The following XRCC6 variants were observed in gnomAD, a reference collection of about 807,000 sequenced individuals.
XRCC6 encodes the protein X-ray repair cross complementing 6, also known as DNA repair protein Ku70.
A neutral mutation model predicts 65.7 loss-of-function variants in XRCC6; 5 were observed. The observed-to-expected ratio is 0.08, with a 90% CI of 0.04 to 0.16. XRCC6 has a LOEUF of 0.16. XRCC6 is among the 10% of genes least tolerant of loss of function. The pLI, the probability that XRCC6 is intolerant of heterozygous loss-of-function variation, is 1.00. For synonymous variants in XRCC6, 270 were observed against 270.6 expected (o/e 1.00, Z 0.02); for missense variants, 447 against 738.1 (o/e 0.61, Z 4.57).
chr22:41,639,329 CTTTTTTTTTTT>C lies in XRCC6; in HGVS notation c.773+1553_773+1563del, dbSNP rs386395480. On this transcript the variant is annotated intron_variant, in intron 6 of 12. Transcript: ENST00000360079. ...GGAACCAGATTGCTAGATTCTTTTT[CTTTTTTTTTTT>C]TTTTTTTTTTTTTTGAGACAAAGTC... Among the ~76,000 whole-genome samples, 16 of 64,560 alleles carry C rather than the reference CTTTTTTTTTTT, an allele frequency of 2.5e-4. 2 individuals carry two copies. Among genetic ancestry groups the C allele is most frequent in the Non-Finnish European group, 3.5e-4 (13 of 37,176 alleles). 42.4% of individuals were successfully genotyped at this position (64,560 alleles called of 152,430 possible).
chr22:41,621,418 T>A (rs1287175297), intron 1 of XRCC6, 73 bp downstream of exon 1: 1 of 162,486 alleles, frequency 6.2e-6, no homozygotes, highest in Non-Finnish European at 1.3e-5. Context: ...TCGGTCGGTC[T>A]CGCGCGCCCC....
At chr22:41,633,901 A>G (rs190512115) in intron 3 of XRCC6, among the ~76,000 whole-genome samples, 123 of 152,342 alleles carry the variant, frequency 8.1e-4, no homozygotes, top group African/African-American at 2.9e-3. Context: ...TAAGCAATAG[A>G]AAACATTTTC....
chr22:41,624,697 A>G (rs1328610321), intron 2 of XRCC6, among the ~76,000 whole-genome samples: 2 of 130,790 alleles, frequency 1.5e-5, no homozygotes, highest in African/African-American at 5.8e-5. Context: ...CAAAAAAATA[A>G]TAATAAAATA....
chr22:41,629,147 G>A (rs903501172), intron 3 of XRCC6, among the ~76,000 whole-genome samples: 1 of 152,048 alleles, frequency 6.6e-6, no homozygotes, highest in Middle Eastern at 3.2e-3. Context: ...GAAAATAAGT[G>A]TTGGCAAGGC....
intron 11 of XRCC6, among the ~76,000 whole-genome samples, chr22:41,658,610 T>C (rs2068068486): frequency 6.6e-6 from 1 of 152,122 alleles, no homozygotes; most frequent in Non-Finnish European, 1.5e-5. Context: ...TACATGCTGG[T>C]GAAATTTAAA....
chr22:41,633,295 G>A lies in XRCC6; in HGVS notation c.196-2818G>A, dbSNP rs140143525. ...TCTCTATGTCTAGAATGGGGACCAA[G>A]AATTTGCATTTCTAGTAAATTGTCA... On this transcript the variant is annotated intron_variant, in intron 3 of 12. Coordinates refer to ENST00000360079, the MANE Select transcript of XRCC6 (RefSeq NM_001469.5). 8.2e-3 allele frequency among the ~76,000 whole-genome samples: 1,252 copies of A among 152,256 alleles called. 6 individuals carry two copies. Among genetic ancestry groups the A allele is most frequent in the Non-Finnish European group, 0.013 (916 of 68,026 alleles).
intron 2 of XRCC6, among the ~76,000 whole-genome samples, chr22:41,625,958 C>A (rs1239744749): frequency 6.6e-6 from 1 of 152,086 alleles, no homozygotes; most frequent in South Asian, 2.1e-4. Context: ...CCTGCCTCAG[C>A]CTCCCTAGTA....
chr22:41,663,938 T>G lies in XRCC6; in HGVS notation c.*123T>G. ...GTCTACCCGACATAAGTCGAGGGAC[T>G]TTATGTTTTTGAGGCTTTCTGTTGC... On this transcript the variant is annotated 3_prime_UTR_variant, in exon 13 of 13. Transcript: ENST00000360079. The G allele has an allele frequency of 9.1e-7, 1 of 1,104,714 alleles. No individual in the cohort carries two copies. Among genetic ancestry groups the G allele is most frequent in the South Asian group, 1.6e-5 (1 of 61,306 alleles). The allele number at this position is 1,104,714 out of a possible 1,614,324, so 68.4% of individuals were successfully genotyped here. A position where few individuals can be genotyped will look rare whatever the true frequency, so the allele number is the denominator to read the frequency against.
In XRCC6 at chr22:41,646,890, C is replaced by T. The variant is rs763490042; in HGVS notation, c.774-6C>T. Reference sequence around the variant, plus strand: ...GTTCATGCTCTTTCATTTTTTACTCCCTCAGGTTAAAGCTGAAGCTCAACA... The same window carrying T: ...GTTCATGCTCTTTCATTTTTTACTCTCTCAGGTTAAAGCTGAAGCTCAACA... On this transcript the variant is annotated splice_region_variant and splice_polypyrimidine_tract_variant and intron_variant, in intron 6 of 12. Coordinates refer to ENST00000360079, the MANE Select transcript of XRCC6 (RefSeq NM_001469.5). 5.0e-6 allele frequency: 8 copies of T among 1,584,848 alleles called. No individual in the cohort carries two copies. In the South Asian group the frequency reaches 8.0e-5, roughly 16 times the overall value.
At chr22:41,658,441 C>G in intron 11 of XRCC6, 89 bp downstream of exon 11, 1 of 1,203,032 alleles carries the variant, frequency 8.3e-7, no homozygotes, top group Non-Finnish European at 1.2e-6. Flanking sequence ...ATTTCCCAGT[C>G]CTCTCTAAAC....
intron 6 of XRCC6, among the ~76,000 whole-genome samples, chr22:41,643,984 C>CAA (rs1219444238): frequency 3.0e-5 from 2 of 66,942 alleles, no homozygotes; most frequent in Admixed American, 1.5e-4. Flanking sequence ...GACTCCATCT[C>CAA]AAAAAAAAAA....
chr22:41,656,577 C>CAG (rs60816050), intron 9 of XRCC6, among the ~76,000 whole-genome samples: 21,055 of 151,936 alleles, frequency 0.14, 4,011 homozygotes, highest in African/African-American at 0.43. Flanking sequence ...ATGACATGGA[C>CAG]AAACATGTTT....
At chr22:41,647,340 T>C (rs1206499340) in intron 7 of XRCC6, among the ~76,000 whole-genome samples, 1 of 152,010 alleles carries the variant, frequency 6.6e-6, no homozygotes, top group Admixed American at 6.6e-5. Flanking sequence ...CCCAGCACTT[T>C]GGGAGGCCGA....
At chr22:41,625,741 A>G (rs961642505) in intron 2 of XRCC6, among the ~76,000 whole-genome samples, 3 of 152,176 alleles carry the variant, frequency 2.0e-5, no homozygotes, top group Non-Finnish European at 2.9e-5. Context: ...ACGGCAGAGG[A>G]TCGCTCAAGC....
intron 9 of XRCC6, among the ~76,000 whole-genome samples, chr22:41,654,652 C>T (rs2068028816): frequency 6.6e-6 from 1 of 152,170 alleles, no homozygotes; most frequent in Admixed American, 6.5e-5. Context: ...CCTGATAACT[C>T]TTACCTGTTT....
At chr22:41,624,763 C>T (rs1015452406) in intron 2 of XRCC6, among the ~76,000 whole-genome samples, 5 of 151,044 alleles carry the variant, frequency 3.3e-5, no homozygotes, top group South Asian at 2.1e-4. Context: ...TTTGAGAGGC[C>T]GAGGCGGGTG....
intron 2 of XRCC6, among the ~76,000 whole-genome samples, chr22:41,626,558 G>C (rs1035628333): frequency 1.3e-5 from 2 of 151,788 alleles, no homozygotes; most frequent in African/African-American, 4.8e-5. Context: ...AGGTTCAAGT[G>C]ATTCTCCTGC....
At chr22:41,661,944 T>C (rs897760633) in intron 12 of XRCC6, among the ~76,000 whole-genome samples, 1 of 152,204 alleles carries the variant, frequency 6.6e-6, no homozygotes. Context: ...TGCAATAATA[T>C]GTTAAGTGAA....
rs550441732 is a variant in XRCC6, at chr22:41,647,442, A to G, written c.960+360A>G. Among the ~76,000 whole-genome samples, 525 of 152,068 alleles carry G rather than the reference A, an allele frequency of 3.5e-3. 3 individuals carry two copies. Among genetic ancestry groups the G allele is most frequent in the African/African-American group, 0.012 (498 of 41,514 alleles). On this transcript the variant is annotated intron_variant, in intron 7 of 12. Transcript: ENST00000360079. ...ACTAAAAATACAAAATGAGCTGGGC[A>G]TGGTGGTGCATGCCTGTAATCCCAG...
Sources: allele counts gnomAD v4.1 joint callset (sites outside exome capture counted in the v4.1 genomes callset), GRCh38; gene constraint gnomAD v4.1.1; transcripts MANE v1.5; gene names NCBI Gene and HGNC (gene_info 2026-07-23, HGNC 2026-07-21).